The following GBE1 variants were observed in gnomAD, a reference collection of about 807,000 sequenced individuals.
GBE1 encodes the protein 1,4-alpha-glucan-branching enzyme.
A neutral mutation model predicts 88.8 loss-of-function variants in GBE1; 70 were observed. That is an observed-to-expected ratio of 0.79 (90% CI 0.65 to 0.96). The LOEUF (loss-of-function observed/expected upper bound fraction) is 0.96. Among genes scored for constraint, GBE1 ranks in the 40% least tolerant of loss-of-function variants. The pLI is 0.00. For synonymous variants in GBE1, 284 were observed against 300.1 expected (o/e 0.95, Z 0.56); for missense variants, 872 against 871.0 (o/e 1.00, Z -0.01).
At chr3:81,531,852 T>C (rs1480395071) in intron 14 of GBE1, among the ~76,000 whole-genome samples, 1 of 152,056 alleles carries the variant, frequency 6.6e-6, no homozygotes, top group Non-Finnish European at 1.5e-5. Flanking sequence ...CAGGGTACTT[T>C]AGTGTGCAGT....
At chr3:81,623,779 C>A (rs1704364026) in intron 7 of GBE1, among the ~76,000 whole-genome samples, 1 of 152,112 alleles carries the variant, frequency 6.6e-6, no homozygotes, top group Admixed American at 6.6e-5. Flanking sequence ...GTCTTCCTGC[C>A]TCAGCCTCCT....
At position 81,714,850 on chromosome 3, in the gene GBE1, A is replaced by G. The variant is rs114431482; in HGVS notation, c.144-9237T>C. Among the ~76,000 whole-genome samples, 592 of 152,286 alleles carry G rather than the reference A, an allele frequency of 3.9e-3. 6 individuals are homozygous for G. Among genetic ancestry groups the G allele is most frequent in the African/African-American group, 0.012 (492 of 41,558 alleles). On this transcript the variant is annotated intron_variant, in intron 1 of 15. Coordinates refer to ENST00000429644, the MANE Select transcript of GBE1 (RefSeq NM_000158.4). ...CTTGTTTTCTGATGGCCACATTCTC[A>G]TTGTATCCTGACATGGTAGACAGGA...
intron 1 of GBE1, among the ~76,000 whole-genome samples, chr3:81,755,803 T>C (rs547351468): frequency 2.0e-5 from 3 of 152,060 alleles, no homozygotes; most frequent in South Asian, 2.1e-4. Context: ...AGATTGGAGG[T>C]TACCAGAGGC....
chr3:81,518,409 C>T (rs1702827061), intron 14 of GBE1, among the ~76,000 whole-genome samples: 1 of 151,504 alleles, frequency 6.6e-6, no homozygotes, highest in South Asian at 2.1e-4. Context: ...TAAGGACTTG[C>T]TCACTATTCA....
At chr3:81,693,006 T>G (rs1705543154) in intron 2 of GBE1, among the ~76,000 whole-genome samples, 1 of 152,210 alleles carries the variant, frequency 6.6e-6, no homozygotes. Context: ...GGACAAATGA[T>G]GCACTTTTTC....
In GBE1 at chr3:81,581,205, T is replaced by C. The variant is rs760661724; in HGVS notation, c.1406A>G (p.Tyr469Cys). ...TGCATAAGCAATGCACTTTTCAAGG[T>C]AGCGCCTGTTTGTGAGCGTGTATAC... ...DIVYTLTNRR[Y>C]LEKCIAYAES... Residue 469 changes from tyrosine (Y) to cysteine (C), a missense_variant, in exon 11 of 16, where the codon TAC becomes TGC. Physicochemically the swap from Tyr to Cys is radical, Grantham distance 194. Transcript: ENST00000429644. The C allele has an allele frequency of 6.3e-5, 101 of 1,607,008 alleles. No homozygotes were observed. The highest frequency in any genetic ancestry group is 4.5e-5 in the South Asian group (4 of 89,522).
chr3:81,724,691 G>GTGA (rs1307235892), intron 1 of GBE1, among the ~76,000 whole-genome samples: 4 of 151,964 alleles, frequency 2.6e-5, no homozygotes, highest in Non-Finnish European at 5.9e-5. Context: ...ACATGAAAAT[G>GTGA]TGATGTCTTT....
intron 2 of GBE1, among the ~76,000 whole-genome samples, chr3:81,688,627 T>C (rs1398368376): frequency 2.6e-5 from 4 of 152,144 alleles, no homozygotes; most frequent in East Asian, 1.9e-4. Flanking sequence ...GTTTAGCAAA[T>C]AATATAAATG....
intron 2 of GBE1, among the ~76,000 whole-genome samples, chr3:81,698,369 A>C (rs1369836541): frequency 6.6e-6 from 1 of 152,082 alleles, no homozygotes; most frequent in African/African-American, 2.4e-5. Context: ...TCTGATAAGG[A>C]TTTTGTAGCA....
intron 7 of GBE1, among the ~76,000 whole-genome samples, chr3:81,631,665 T>G (rs1704512484): frequency 6.6e-6 from 1 of 151,032 alleles, no homozygotes; most frequent in Admixed American, 6.6e-5. Flanking sequence ...GAGAATCACT[T>G]GAACCTGGGA....
intron 1 of GBE1, among the ~76,000 whole-genome samples, chr3:81,711,761 TA>T (rs1475908670): frequency 2.0e-5 from 3 of 152,114 alleles, no homozygotes; most frequent in Non-Finnish European, 4.4e-5. Flanking sequence ...ACTTCATGTC[TA>T]AAACACCAAA....
intron 7 of GBE1, among the ~76,000 whole-genome samples, chr3:81,635,583 A>C (rs943677399): frequency 6.6e-6 from 1 of 152,218 alleles, no homozygotes; most frequent in Non-Finnish European, 1.5e-5. Context: ...TATTCTGTAG[A>C]AAATAGACAT....
intron 7 of GBE1, among the ~76,000 whole-genome samples, chr3:81,615,744 G>A (rs1392306775): frequency 6.6e-6 from 1 of 152,194 alleles, no homozygotes; most frequent in East Asian, 1.9e-4. Context: ...ACATTTAAGT[G>A]TATGTTTCTG....
intron 12 of GBE1, among the ~76,000 whole-genome samples, chr3:81,558,784 A>C (rs1471857323): frequency 6.6e-6 from 1 of 152,124 alleles, no homozygotes; most frequent in African/African-American, 2.4e-5. Context: ...TCTATATTAG[A>C]CCTTTTTATA....
intron 1 of GBE1, among the ~76,000 whole-genome samples, chr3:81,749,232 G>A (rs1310114256): frequency 2.0e-5 from 3 of 151,910 alleles, no homozygotes; most frequent in African/African-American, 7.3e-5. Flanking sequence ...AAACTGGATG[G>A]ATGGTACATC....
At chr3:81,562,574 CAA>C (rs1703434949) in intron 12 of GBE1, among the ~76,000 whole-genome samples, 1 of 151,978 alleles carries the variant, frequency 6.6e-6, no homozygotes, top group Non-Finnish European at 1.5e-5. Flanking sequence ...AGGAGTATGA[CAA>C]AGTTTTAAAT....
chr3:81,549,795 C>A (rs1399750973), intron 12 of GBE1, among the ~76,000 whole-genome samples: 4 of 151,394 alleles, frequency 2.6e-5, no homozygotes, highest in Non-Finnish European at 1.5e-5. Flanking sequence ...AATAAACAGG[C>A]CAAGTATAAT....
In GBE1 at chr3:81,591,057, C is replaced by A; in HGVS notation, c.1216G>T (p.Asp406Tyr). ...TTTACCTCAGCTATTGTTATAGAAT[C>A]GGGACACAGCGTGTGAACCAAATGA... ...ANHLVHTLCP[D>Y]SITIAEDVSG... Residue 406 changes from aspartate (D) to tyrosine (Y), a missense_variant, in exon 9 of 16, where the codon GAT becomes TAT. Asp to Tyr is a radical substitution (Grantham distance 160, BLOSUM62 -3). Transcript: ENST00000429644. 2 of 1,608,814 alleles carry A rather than the reference C, an allele frequency of 1.2e-6. No individual in the cohort carries two copies. The highest frequency in any genetic ancestry group is 1.7e-6 in the Non-Finnish European group (2 of 1,177,118).
chr3:81,635,702 A>G (rs1356680089), intron 7 of GBE1, among the ~76,000 whole-genome samples: 1 of 152,208 alleles, frequency 6.6e-6, no homozygotes, highest in Non-Finnish European at 1.5e-5. Flanking sequence ...TTATTATTAT[A>G]GATACCACAT....
Sources: gnomAD v4.1 joint callset for allele counts (sites outside exome capture counted in the v4.1 genomes callset) on GRCh38, gnomAD v4.1.1 for gene constraint, MANE v1.5 for transcripts, NCBI Gene and HGNC (gene_info 2026-07-23, HGNC 2026-07-21) for gene names.